PTPN3: variants seen among roughly 807,000 people sequenced by gnomAD.
PTPN3 encodes the protein tyrosine-protein phosphatase non-receptor type 3.
PTPN3 carries 96 observed loss-of-function variants against 132.7 expected under a neutral mutation model. That is an observed-to-expected ratio of 0.72 (90% CI 0.61 to 0.86). The LOEUF (loss-of-function observed/expected upper bound fraction) is 0.86, where lower values mean the gene tolerates loss of function less well. Among genes scored for constraint, PTPN3 ranks in the 40% least tolerant of loss-of-function variants. PTPN3 has a pLI of 0.00. For synonymous variants in PTPN3, 398 were observed against 429.0 expected, an observed-to-expected ratio of 0.93 and a Z score of 0.89; for missense variants, 1,125 against 1,159.6, an observed-to-expected ratio of 0.97 and a Z score of 0.43.
chr9:109,402,579 TA>T (rs1841230314), intron 19 of PTPN3, among the ~76,000 whole-genome samples: 2 of 152,222 alleles, frequency 1.3e-5, no homozygotes, highest in Admixed American at 1.3e-4. Flanking sequence ...GCACCCAGCC[TA>T]CATTTTCTTC....
chr9:109,528,432 A>C, the PTPN3 span, among the ~76,000 whole-genome samples: 1 of 152,256 alleles, frequency 6.6e-6, no homozygotes, highest in East Asian at 1.9e-4. Flanking sequence ...TGCGCAATGA[A>C]GAGTACCGAT....
At chr9:109,510,571 AAAAAAAT>A in the PTPN3 span, among the ~76,000 whole-genome samples, 2 of 55,006 alleles carry the variant, frequency 3.6e-5, no homozygotes, top group African/African-American at 1.3e-4. Flanking sequence ...AAAAAAAAAA[AAAAAAAT>A]ATATATATAT....
At chr9:109,433,024 A>G (rs1295378900) in intron 10 of PTPN3, 49 bp downstream of exon 10, 110 of 1,602,960 alleles carry the variant, frequency 6.9e-5, no homozygotes, top group Non-Finnish European at 8.9e-5. Flanking sequence ...TTTGTTAGGC[A>G]TATTTTTAAA....
At position 109,381,731 on chromosome 9, in the gene PTPN3, G is replaced by A; in HGVS notation, c.2585C>T (p.Thr862Ile). ...LVTMETAMCL[T>I]ERNLPIYPLD... ...TGGGTAAATGGGCAGGTTCCTCTCAGTTAGGCACATGGCTGTTTCCATAGT... is the reference window on the plus strand; with the variant it reads ...TGGGTAAATGGGCAGGTTCCTCTCAATTAGGCACATGGCTGTTTCCATAGT... The change falls in exon 25 of 26, where the codon ACT becomes ATT. Residue 862 changes from threonine to isoleucine, a missense_variant. Physicochemically the swap from Thr to Ile is moderately conservative, Grantham distance 89 (BLOSUM62 -1). Transcript: ENST00000374541. 3 of 1,614,228 alleles carry A rather than the reference G, an allele frequency of 1.9e-6. No homozygotes were observed. The highest frequency in any genetic ancestry group is 2.5e-6 in the Non-Finnish European group (3 of 1,180,016).
chr9:109,490,504 G>A (rs1054986964), intron 1 of PTPN3, among the ~76,000 whole-genome samples: 4 of 152,188 alleles, frequency 2.6e-5, no homozygotes, highest in African/African-American at 7.2e-5. Flanking sequence ...TTGGGAGGCC[G>A]AGGTGGGCGG....
At chr9:109,445,779 A>G (rs1280118505) in intron 6 of PTPN3, among the ~76,000 whole-genome samples, 1 of 152,226 alleles carries the variant, frequency 6.6e-6, no homozygotes, top group Non-Finnish European at 1.5e-5. Flanking sequence ...GGACAAGTAG[A>G]AAGGTATTTT....
intron 5 of PTPN3, among the ~76,000 whole-genome samples, chr9:109,451,771 C>T (rs986545227): frequency 1.6e-4 from 25 of 152,306 alleles, no homozygotes; most frequent in African/African-American, 6.0e-4. Context: ...GTTGCACTGG[C>T]CGTAGGAAAC....
intron 14 of PTPN3, among the ~76,000 whole-genome samples, chr9:109,411,346 G>A (rs899626903): frequency 2.0e-5 from 3 of 152,130 alleles, no homozygotes; most frequent in Non-Finnish European, 4.4e-5. Flanking sequence ...ACCGATGTGC[G>A]TCCTAAGCCT....
Position 109,393,835 on chromosome 9 carries a change from G to T in PTPN3, c.1954-2274C>A, listed in dbSNP as rs2131649059. Among the ~76,000 whole-genome samples the T allele has an allele frequency of 3.9e-5, 6 of 152,278 alleles. 1 individual carries two copies. The Middle Eastern group carries it at 0.02, about 518-fold the overall frequency. On this transcript the variant is annotated intron_variant, in intron 19 of 25. Transcript: ENST00000374541. ...TTGTTTTGTAAACTGGCTTCTGTTAGTCTGTTTTTTCTCTTACTAAATAAA... is the reference window on the plus strand; with the variant it reads ...TTGTTTTGTAAACTGGCTTCTGTTATTCTGTTTTTTCTCTTACTAAATAAA...
chr9:109,400,826 T>A (rs1841026428), intron 19 of PTPN3, among the ~76,000 whole-genome samples: 1 of 152,230 alleles, frequency 6.6e-6, no homozygotes, highest in Non-Finnish European at 1.5e-5. Flanking sequence ...AAGCTTTCCT[T>A]TCCTACTAGT....
At chr9:109,469,173 A>T (rs759182474) in intron 1 of PTPN3, among the ~76,000 whole-genome samples, 2 of 152,192 alleles carry the variant, frequency 1.3e-5, no homozygotes, top group African/African-American at 4.8e-5. Flanking sequence ...AGCCTGAGAC[A>T]ACGAAAGGGT....
At chr9:109,469,894 C>G (rs900237532) in intron 1 of PTPN3, among the ~76,000 whole-genome samples, 4 of 152,194 alleles carry the variant, frequency 2.6e-5, no homozygotes, top group African/African-American at 9.6e-5. Flanking sequence ...TCAAGGGAAA[C>G]AGGGACAGCT....
intron 14 of PTPN3, among the ~76,000 whole-genome samples, chr9:109,416,829 CGAA>C (rs1177057420): frequency 6.6e-6 from 1 of 152,106 alleles, no homozygotes; most frequent in African/African-American, 2.4e-5. Flanking sequence ...AGGCAAACAG[CGAA>C]GAAGTTATGC....
At chr9:109,386,112 C>T (rs555136863) in intron 22 of PTPN3, among the ~76,000 whole-genome samples, 8 of 152,208 alleles carry the variant, frequency 5.3e-5, no homozygotes, top group African/African-American at 9.6e-5. Context: ...TTGGAGTGAC[C>T]GACTCCTAAT....
chr9:109,455,349 T>C (rs1417589868), intron 4 of PTPN3, among the ~76,000 whole-genome samples: 1 of 152,182 alleles, frequency 6.6e-6, no homozygotes, highest in Non-Finnish European at 1.5e-5. Context: ...GATCTTCATG[T>C]CAATTTCACC....
At chr9:109,408,115 T>A (rs1295484536) in intron 17 of PTPN3, among the ~76,000 whole-genome samples, 1 of 152,206 alleles carries the variant, frequency 6.6e-6, no homozygotes, top group African/African-American at 2.4e-5. Context: ...CCAGAGATGC[T>A]GCATTTCTAA....
At chr9:109,438,880 A>G (rs1200558819) in intron 7 of PTPN3, among the ~76,000 whole-genome samples, 1 of 152,184 alleles carries the variant, frequency 6.6e-6, no homozygotes. Flanking sequence ...CTAGGGAGAA[A>G]GACACATTCT....
At chr9:109,534,357 C>T in the PTPN3 span, 4 of 1,497,620 alleles carry the variant, frequency 2.7e-6, no homozygotes, top group African/African-American at 2.8e-5. Context: ...TGACTGGGGC[C>T]GGCTGCGGCA....
chr9:109,502,424 G>C (rs1248919531), upstream of PTPN3, among the ~76,000 whole-genome samples: 3 of 152,206 alleles, frequency 2.0e-5, no homozygotes, highest in African/African-American at 4.8e-5. Flanking sequence ...ATGGGCAAGT[G>C]GTGCTGTTAG....
Sources: allele counts gnomAD v4.1 joint callset (sites outside exome capture counted in the v4.1 genomes callset), GRCh38; gene constraint gnomAD v4.1.1; transcripts MANE v1.5; gene names NCBI Gene and HGNC (gene_info 2026-07-23, HGNC 2026-07-21).